Variants in LTBP1 observed in about 807,000 individuals in gnomAD.
LTBP1 encodes latent-transforming growth factor beta-binding protein 1.
In LTBP1, 129 loss-of-function variants were observed where a neutral mutation model predicts 207.6. The observed-to-expected ratio is 0.62, with a 90% CI of 0.54 to 0.72. The LOEUF is 0.72. Ranked by LOEUF, LTBP1 falls within the 30% of genes least tolerant of loss-of-function variation. The probability of loss-of-function intolerance (pLI) is 0.00; values close to 1 mark genes in which losing one functional copy is unlikely to be tolerated. For synonymous variants in LTBP1, 963 were observed against 833.7 expected, an observed-to-expected ratio of 1.16 and a Z score of -2.67; for missense variants, 2,281 against 2,217.2, an observed-to-expected ratio of 1.03 and a Z score of -0.58.
chr2:33,252,635 T>G, intron 10 of LTBP1, 42 bp from the exon 11 acceptor site: 1 of 1,553,772 alleles, frequency 6.4e-7, no homozygotes, highest in Non-Finnish European at 8.8e-7. Context: ...CAATGTAGTT[T>G]TGGTTTCTCA....
At chr2:33,388,312 TG>T (rs899681165) in intron 31 of LTBP1, among the ~76,000 whole-genome samples, 1 of 152,120 alleles carries the variant, frequency 6.6e-6, no homozygotes, top group African/African-American at 2.4e-5. Context: ...TGGGTCTAGC[TG>T]GGGTACAGAG....
intron 32 of LTBP1, among the ~76,000 whole-genome samples, chr2:33,392,464 T>G (rs2095323249): frequency 6.6e-6 from 1 of 152,164 alleles, no homozygotes; most frequent in Admixed American, 6.5e-5. Context: ...GGATTAAAGG[T>G]GTGAGACACC....
Position 33,014,643 on chromosome 2 carries a change from T to G in LTBP1, c.566-6266T>G, listed in dbSNP as rs574394486. Among the ~76,000 whole-genome samples, 5 of 152,274 alleles carry G rather than the reference T, an allele frequency of 3.3e-5. No homozygotes were observed. In the South Asian group the frequency reaches 1.0e-3, roughly 32 times the overall value. On this transcript the variant is annotated intron_variant, in intron 2 of 33. Transcript: ENST00000404816. ...GACTGAGACAAGTTTTAAATATAAC[T>G]AAGGGTTACTTTTTTAGAATTAAAA...
At chr2:33,192,917 A>G (rs968855856) in intron 7 of LTBP1, among the ~76,000 whole-genome samples, 12 of 152,148 alleles carry the variant, frequency 7.9e-5, no homozygotes, top group African/African-American at 2.9e-4. Context: ...GGTGATAACT[A>G]ACCCACTCCC....
At chr2:33,015,607 G>A (rs886120257) in intron 2 of LTBP1, among the ~76,000 whole-genome samples, 1 of 134,178 alleles carries the variant, frequency 7.5e-6, no homozygotes, top group African/African-American at 2.7e-5. Flanking sequence ...ACAAGAGCCA[G>A]ATGGTACAAA....
intron 3 of LTBP1, among the ~76,000 whole-genome samples, chr2:33,048,295 C>T (rs1483394022): frequency 2.6e-5 from 4 of 152,316 alleles, no homozygotes; most frequent in Admixed American, 1.3e-4. Context: ...TGGCTGAGTG[C>T]TAGCAGGAAA....
intron 24 of LTBP1, among the ~76,000 whole-genome samples, chr2:33,339,483 T>A (rs988988616): frequency 1.3e-5 from 2 of 152,288 alleles, no homozygotes; most frequent in South Asian, 4.1e-4. Context: ...GTTAAGTGAT[T>A]TGGTGACGCG....
At chr2:33,207,302 C>T (rs373905885) in intron 7 of LTBP1, among the ~76,000 whole-genome samples, 16 of 152,164 alleles carry the variant, frequency 1.1e-4, no homozygotes, top group African/African-American at 3.4e-4. Flanking sequence ...TCCTTGAAGC[C>T]CATGGTTTGG....
At chr2:33,282,341 C>T (rs1287377860) in intron 19 of LTBP1, among the ~76,000 whole-genome samples, 8 of 152,106 alleles carry the variant, frequency 5.3e-5, no homozygotes, top group Admixed American at 2.6e-4. Context: ...TGAAGCCACT[C>T]CCCCAAGATT....
intron 24 of LTBP1, among the ~76,000 whole-genome samples, chr2:33,320,483 G>C (rs1462074534): frequency 1.3e-5 from 2 of 151,980 alleles, no homozygotes; most frequent in Non-Finnish European, 2.9e-5. Context: ...GATGCTAACT[G>C]GGGTGGTCAG....
At chr2:33,182,006 A>T (rs1031084081) in intron 5 of LTBP1, among the ~76,000 whole-genome samples, 3 of 152,224 alleles carry the variant, frequency 2.0e-5, no homozygotes, top group African/African-American at 7.2e-5. Flanking sequence ...TTCAATACAT[A>T]CTTATTGAGC....
Position 33,021,186 on chromosome 2 carries a change from C to T in LTBP1, c.843C>T (p.Leu281=), listed in dbSNP as rs554562639. The change falls in exon 3 of 34, where the codon CTC becomes CTT. Residue 281 remains leucine (L), a synonymous_variant. Coordinates refer to ENST00000404816, the MANE Select transcript of LTBP1 (RefSeq NM_206943.4). ...LTLKPKPSVG[L]PQQIHSQVTP... ...TCAAGCCGAAGCCTTCAGTGGGACT[C>T]CCCCAGCAGATACATTCTCAGTGAG... 1.9e-6 allele frequency: 3 copies of T among 1,599,058 alleles called. No individual in the cohort carries two copies. Among genetic ancestry groups the T allele is most frequent in the East Asian group, 2.2e-5 (1 of 44,556 alleles).
At chr2:33,328,023 T>A (rs191237155) in intron 24 of LTBP1, among the ~76,000 whole-genome samples, 10 of 151,874 alleles carry the variant, frequency 6.6e-5, no homozygotes, top group African/African-American at 2.4e-4. Context: ...TAATCTCAGC[T>A]ACTTGGGAGG....
rs372887709 is a variant in LTBP1, at chr2:33,303,700, C to T, written c.3481+2056C>T. Among the ~76,000 whole-genome samples the T allele has an allele frequency of 3.9e-5, 6 of 152,228 alleles. No individual in the cohort carries two copies. In the East Asian group the frequency reaches 7.7e-4, roughly 20 times the overall value. On this transcript the variant is annotated intron_variant, in intron 22 of 33. Coordinates refer to ENST00000404816, the MANE Select transcript of LTBP1 (RefSeq NM_206943.4). ...GCGTGCAACCTAGATCCCTCACATG[C>T]GCTGTTCACAAGAGGGTTCGCCCTC...
At chr2:33,302,981 A>G in intron 22 of LTBP1, among the ~76,000 whole-genome samples, 1 of 150,044 alleles carries the variant, frequency 6.7e-6, no homozygotes, top group Non-Finnish European at 1.5e-5. Context: ...ACACACACAC[A>G]CACAAACACA....
At position 33,248,035 on chromosome 2, in the gene LTBP1, C is replaced by G. The variant is rs184452246; in HGVS notation, c.1999+4251C>G. ...ATGACATTTAGTCTTCATAATTTAT[C>G]TTATGCCCGTTCTTTTCTTTCTACC... is the stretch of plus-strand genomic sequence containing the variant. On this transcript the variant is annotated intron_variant, in intron 10 of 33. Coordinates refer to ENST00000404816, the MANE Select transcript of LTBP1 (RefSeq NM_206943.4). Among the ~76,000 whole-genome samples, 24 of 152,310 alleles carry G rather than the reference C, an allele frequency of 1.6e-4. No homozygotes were observed. The East Asian group carries it at 4.4e-3, about 28-fold the overall frequency.
chr2:33,027,557 C>T (rs1388184983), intron 3 of LTBP1, among the ~76,000 whole-genome samples: 3 of 152,098 alleles, frequency 2.0e-5, no homozygotes, highest in Non-Finnish European at 4.4e-5. Context: ...TAGAAGAAGG[C>T]CGGGCGCAGT....
Position 33,095,512 on chromosome 2 carries a change from T to A in LTBP1, c.864-15070T>A, listed in dbSNP as rs759248441. Among the ~76,000 whole-genome samples, 58 of 151,902 alleles carry A rather than the reference T, an allele frequency of 3.8e-4. 1 individual carries two copies. The highest frequency in any genetic ancestry group is 7.5e-4 in the Non-Finnish European group (51 of 67,996). ...ATAATTAACATTATTTAGAGTAAGA[T>A]AGAGAGTCTCCGCAAAATAATATTC... On this transcript the variant is annotated intron_variant, in intron 3 of 33. Transcript: ENST00000404816.
chr2:32,978,271 G>A (rs1682139304), intron 2 of LTBP1, among the ~76,000 whole-genome samples: 1 of 152,138 alleles, frequency 6.6e-6, no homozygotes, highest in Non-Finnish European at 1.5e-5. Flanking sequence ...CAGTATAAAA[G>A]TGGGCCTCCT....
Sources: gnomAD v4.1 joint callset for allele counts (sites outside exome capture counted in the v4.1 genomes callset) on GRCh38, gnomAD v4.1.1 for gene constraint, MANE v1.5 for transcripts, NCBI Gene and HGNC (gene_info 2026-07-23, HGNC 2026-07-21) for gene names.